VCAN: variants seen among roughly 807,000 people sequenced by gnomAD.
VCAN encodes the protein versican core protein.
In VCAN, 44 loss-of-function variants were observed where a neutral mutation model predicts 245.5. That is an observed-to-expected ratio of 0.18 (90% confidence interval 0.14 to 0.23). The LOEUF (loss-of-function observed/expected upper bound fraction) is 0.23. Among genes scored for constraint, VCAN ranks in the 10% least tolerant of loss-of-function variants. VCAN has a pLI of 1.00. For missense variants in VCAN, 3,793 were observed against 4,057.9 expected (o/e 0.93, Z 1.77); for synonymous variants, 1,413 against 1,437.0 (o/e 0.98, Z 0.38).
intron 13 of VCAN, among the ~76,000 whole-genome samples, chr5:83,576,063 T>G (rs1748461678): frequency 6.6e-6 from 1 of 152,092 alleles, no homozygotes; most frequent in African/African-American, 2.4e-5. Flanking sequence ...TAATTAACTA[T>G]TACATACTTG....
rs779895597 is a variant in VCAN, at chr5:83,537,266, C to G, written c.4263C>G (p.Pro1421=). ...INGKHLVTTV[P]KDPEAAEARR... is the part of the protein sequence containing the mutation. ...GGAAGCATCTCGTTACCACTGTGCC[C>G]AAGGACCCAGAAGCTGCAGAAGCTA... Residue 1421 remains proline, a synonymous_variant, in exon 8 of 15, where the codon CCC becomes CCG. Coordinates refer to ENST00000265077, the MANE Select transcript of VCAN (RefSeq NM_004385.5). 1 of 1,613,894 alleles carries G rather than the reference C, an allele frequency of 6.2e-7. No homozygotes were observed. The highest frequency in any genetic ancestry group is 8.5e-7 in the Non-Finnish European group (1 of 1,179,938).
intron 12 of VCAN, among the ~76,000 whole-genome samples, chr5:83,559,716 G>A (rs527789738): frequency 6.6e-6 from 1 of 152,150 alleles, no homozygotes; most frequent in South Asian, 2.1e-4. Flanking sequence ...TCAACTTCCT[G>A]ACACTGAGTC....
In VCAN at chr5:83,539,194, C is replaced by T; in HGVS notation, c.6191C>T (p.Ala2064Val). 3 of 1,613,918 alleles carry T rather than the reference C, an allele frequency of 1.9e-6. No homozygotes were observed. Among genetic ancestry groups the T allele is most frequent in the African/African-American group, 2.7e-5 (2 of 75,030 alleles). Residue 2064 changes from alanine to valine, a missense_variant, in exon 8 of 15, where the codon GCA (alanine) becomes GTA (valine). Physicochemically the swap from Ala to Val is moderately conservative, Grantham distance 64. This residue lies in a region of VCAN where 3,182 missense variants were observed against 3,250.3 expected (regional missense o/e 0.98). Coordinates refer to ENST00000265077, the MANE Select transcript of VCAN (RefSeq NM_004385.5). Reference protein sequence around the residue: ...IDRRSTILPTAEVEGTKAPVE... With the variant: ...IDRRSTILPTVEVEGTKAPVE... Reference sequence around the variant, plus strand: ...AGAAGATCCACCATTTTACCAACAGCAGAAGTGGAAGGTACGAAAGCTCCA... The same window carrying T: ...AGAAGATCCACCATTTTACCAACAGTAGAAGTGGAAGGTACGAAAGCTCCA...
intron 12 of VCAN, chr5:83,562,440 C>T (rs1332200649): frequency 2.6e-5 from 4 of 152,068 alleles, no homozygotes; most frequent in Non-Finnish European, 4.4e-5. Context: ...GTTCAGATAG[C>T]TAGTGGTGGG....
At chr5:83,548,486 G>T (rs1269917021) in intron 10 of VCAN, among the ~76,000 whole-genome samples, 1 of 152,136 alleles carries the variant, frequency 6.6e-6, no homozygotes, top group Non-Finnish European at 1.5e-5. Context: ...TCTGGAGAAT[G>T]AGTTGATATA....
intron 5 of VCAN, among the ~76,000 whole-genome samples, chr5:83,503,595 G>T (rs2112375607): frequency 6.6e-6 from 1 of 152,326 alleles, no homozygotes; most frequent in Non-Finnish European, 1.5e-5. Flanking sequence ...TATAAGAACT[G>T]ATTTTCAGAC....
chr5:83,527,829 T>G (rs770860375), intron 7 of VCAN, among the ~76,000 whole-genome samples: 1 of 152,206 alleles, frequency 6.6e-6, no homozygotes, highest in Non-Finnish European at 1.5e-5. Context: ...AGGAACTTTA[T>G]TATCCTCTTC....
intron 2 of VCAN, among the ~76,000 whole-genome samples, chr5:83,485,833 A>T (rs1402270110): frequency 1.3e-5 from 2 of 152,034 alleles, no homozygotes; most frequent in Non-Finnish European, 2.9e-5. Flanking sequence ...GGTGCAGTGG[A>T]TCATGCCTGT....
At chr5:83,556,636 T>G (rs1329877566) in intron 12 of VCAN, among the ~76,000 whole-genome samples, 1 of 152,178 alleles carries the variant, frequency 6.6e-6, no homozygotes, top group Non-Finnish European at 1.5e-5. Context: ...GTATCTGCAA[T>G]TGTTGCCTCT....
rs562435263 is a variant in VCAN at position 83,523,892 on chromosome 5, C to T, written c.4003+1583C>T. Among the ~76,000 whole-genome samples, 15 of 151,770 alleles carry T rather than the reference C, an allele frequency of 9.9e-5. No homozygotes were observed. The South Asian group carries it at 2.9e-3, about 29-fold the overall frequency. The stretch of plus-strand genomic sequence containing the variant: ...GGCTGGAAAAGAGACAGGAATATAA[C>T]GGTGAAAGAAAAACAAAAAAGAGGT... On this transcript the variant is annotated intron_variant, in intron 7 of 14. Coordinates refer to ENST00000265077, the MANE Select transcript of VCAN (RefSeq NM_004385.5).
chr5:83,500,899 A>G (rs540051665), intron 5 of VCAN, among the ~76,000 whole-genome samples: 1 of 152,194 alleles, frequency 6.6e-6, no homozygotes, highest in Non-Finnish European at 1.5e-5. Context: ...CTGTTTTTCA[A>G]TGTGGCTGTA....
intron 6 of VCAN, among the ~76,000 whole-genome samples, chr5:83,517,497 T>C (rs1016629375): frequency 2.0e-5 from 3 of 152,210 alleles, no homozygotes; most frequent in Non-Finnish European, 2.9e-5. Flanking sequence ...TGTATCTTTT[T>C]ACTATTTCCC....
rs913995820 is a variant in VCAN, at chr5:83,572,276, G to A, written c.9736-140G>A. ...ACTCACAGTTTAACAGTCTTTTTCTGTACCACCAAAATAATTTCAGCTATA... is the reference window on the plus strand; with the variant it reads ...ACTCACAGTTTAACAGTCTTTTTCTATACCACCAAAATAATTTCAGCTATA... On this transcript the variant is annotated intron_variant, in intron 12 of 14. Transcript: ENST00000265077. 3.3e-5 allele frequency: 34 copies of A among 1,033,112 alleles called. No homozygotes were observed. In the South Asian group the frequency reaches 4.2e-4, roughly 13 times the overall value. The allele number at this position is 1,033,112 out of a possible 1,614,324, so 64.0% of individuals were successfully genotyped here.
chr5:83,540,245 T>C lies in VCAN; in HGVS notation c.7242T>C (p.Phe2414=), dbSNP rs761030806. 10 of 1,613,990 alleles carry C rather than the reference T, an allele frequency of 6.2e-6. No individual in the cohort carries two copies. The highest frequency in any genetic ancestry group is 8.5e-6 in the Non-Finnish European group (10 of 1,180,008). The change falls in exon 8 of 15, where the codon TTT becomes TTC. Residue 2414 remains phenylalanine (F), a synonymous_variant. Transcript: ENST00000265077. The part of the protein sequence containing the change: ...RAYGFEMAKE[F]VTSAPKPSDL... The stretch of plus-strand genomic sequence containing the variant: ...ATGGTTTTGAAATGGCCAAAGAATT[T>C]GTTACATCAGCACCAAAACCATCTG...
chr5:83,487,190 T>A (rs1166096112), intron 2 of VCAN, among the ~76,000 whole-genome samples: 1 of 152,206 alleles, frequency 6.6e-6, no homozygotes, highest in Admixed American at 6.5e-5. Flanking sequence ...ATAGTGATAT[T>A]TGTCACTTGA....
At chr5:83,477,640 G>A (rs978307826) in intron 1 of VCAN, among the ~76,000 whole-genome samples, 29 of 152,240 alleles carry the variant, frequency 1.9e-4, no homozygotes, top group African/African-American at 6.0e-4. Flanking sequence ...ATACTGATAG[G>A]TCTGACTAAG....
chr5:83,539,840 C>G lies in VCAN; in HGVS notation c.6837C>G (p.Ile2279Met), dbSNP rs1304862732. 6.2e-7 allele frequency: 1 copy of G among 1,613,902 alleles called. No individual in the cohort carries two copies. Among genetic ancestry groups the G allele is most frequent in the African/African-American group, 1.3e-5 (1 of 74,918 alleles). The change falls in exon 8 of 15, where the codon ATC (isoleucine) becomes ATG (methionine). Residue 2279 changes from isoleucine (I) to methionine (M), a missense_variant. Physicochemically the swap from Ile to Met is conservative, Grantham distance 10. Coordinates refer to ENST00000265077, the MANE Select transcript of VCAN (RefSeq NM_004385.5). ...TGAATTTTACTGAAGTGGAACAAAT[C>G]AATAACACATTATATCCCCACACTT... ...ESVNFTEVEQ[I>M]NNTLYPHTSQ...
At position 83,541,631 on chromosome 5, in the gene VCAN, C is replaced by G. The variant is rs1166237628; in HGVS notation, c.8628C>G (p.Phe2876Leu). The G allele has an allele frequency of 1.2e-6, 2 of 1,613,818 alleles. No individual in the cohort carries two copies. Among genetic ancestry groups the G allele is most frequent in the South Asian group, 2.2e-5 (2 of 91,088 alleles). ...KEIHVNIEAT[F>L]KPSSEEYLHI... ...TTCATGTAAATATTGAAGCGACTTT[C>G]AAACCATCAAGTGAGGAATACCTTC... Residue 2876 changes from phenylalanine to leucine, a missense_variant, in exon 8 of 15, where the codon TTC becomes TTG. Phe to Leu is a conservative substitution (Grantham distance 22, BLOSUM62 0). Around this residue, in one of 5 missense-constraint regions of VCAN, gnomAD observed 3,182 missense variants for 3,250.3 expected, o/e 0.98. Coordinates refer to ENST00000265077, the MANE Select transcript of VCAN (RefSeq NM_004385.5).
chr5:83,520,904 G>T lies in VCAN; in HGVS notation c.2598G>T (p.Glu866Asp). 1 of 1,614,140 alleles carries T rather than the reference G, an allele frequency of 6.2e-7. No individual in the cohort carries two copies. Among genetic ancestry groups the T allele is most frequent in the Non-Finnish European group, 8.5e-7 (1 of 1,180,008 alleles). Residue 866 changes from glutamate to aspartate, a missense_variant, in exon 7 of 15, where the codon GAG becomes GAT. Coordinates refer to ENST00000265077, the MANE Select transcript of VCAN (RefSeq NM_004385.5). ...LIPDSTQKQL[E>D]EVTDEDIAAH... ...CAGATAGTACTCAAAAGCAGTTAGA[G>T]GAGGTTACTGATGAAGACATAGCAG...
Sources: gnomAD v4.1 joint callset for allele counts (sites outside exome capture counted in the v4.1 genomes callset) on GRCh38, gnomAD v4.1.1 for gene constraint, gnomAD v4.1.1 regional missense constraint, MANE v1.5 for transcripts, NCBI Gene and HGNC (gene_info 2026-07-23, HGNC 2026-07-21) for gene names.